BACH2: variants seen among roughly 807,000 people sequenced by gnomAD.
The protein encoded by BACH2 is BACH transcriptional regulator 2, also known as transcription regulator protein BACH2.
BACH2 carries 5 observed loss-of-function variants against 61.8 expected under a neutral mutation model. That is an observed-to-expected ratio of 0.08 (90% CI 0.04 to 0.17). BACH2 has a LOEUF of 0.17. BACH2 is among the 10% of genes least tolerant of loss of function. The pLI, the probability that BACH2 is intolerant of heterozygous loss-of-function variation, is 1.00. For synonymous variants in BACH2, 446 were observed against 440.1 expected, an observed-to-expected ratio of 1.01 and a Z score of -0.17; for missense variants, 824 against 1,091.1, an observed-to-expected ratio of 0.76 and a Z score of 3.45.
intron 2 of BACH2, among the ~76,000 whole-genome samples, chr6:90,253,940 T>TCATATTC (rs1770894264): frequency 6.6e-6 from 1 of 152,170 alleles, no homozygotes. Flanking sequence ...AACAAAGAAG[T>TCATATTC]CATATTCCAA....
chr6:90,125,254 C>A (rs1783798040), intron 4 of BACH2, among the ~76,000 whole-genome samples: 1 of 152,158 alleles, frequency 6.6e-6, no homozygotes, highest in African/African-American at 2.4e-5. Context: ...TTACAGCAAT[C>A]CAGTGATTAG....
intron 5 of BACH2, among the ~76,000 whole-genome samples, chr6:90,016,765 T>C (rs921018118): frequency 6.6e-6 from 1 of 152,204 alleles, no homozygotes; most frequent in African/African-American, 2.4e-5. Flanking sequence ...CCTTCATTTT[T>C]GAAAGTTATC....
intron 6 of BACH2, among the ~76,000 whole-genome samples, chr6:89,962,022 T>A (rs958724743): frequency 3.3e-5 from 5 of 152,228 alleles, no homozygotes; most frequent in Non-Finnish European, 5.9e-5. Context: ...AAATCATTCC[T>A]ATTATAAAAA....
intron 6 of BACH2, among the ~76,000 whole-genome samples, chr6:89,965,569 T>C (rs1775005157): frequency 6.6e-6 from 1 of 152,238 alleles, no homozygotes. Flanking sequence ...CCCTAGAGTC[T>C]CAATAACTAT....
chr6:90,011,437 C>T (rs1434296922), intron 5 of BACH2, among the ~76,000 whole-genome samples: 5 of 150,918 alleles, frequency 3.3e-5, no homozygotes, highest in African/African-American at 9.8e-5. Flanking sequence ...GGAGACAAAC[C>T]TTGCTTATTT....
At chr6:90,208,000 A>G (rs1436119020) in intron 3 of BACH2, among the ~76,000 whole-genome samples, 2 of 152,218 alleles carry the variant, frequency 1.3e-5, no homozygotes, top group Non-Finnish European at 2.9e-5. Context: ...TGATAGAGAG[A>G]GGAAATTGCA....
intron 5 of BACH2, among the ~76,000 whole-genome samples, chr6:90,040,129 G>A (rs1041243176): frequency 3.3e-5 from 5 of 151,298 alleles, no homozygotes; most frequent in Non-Finnish European, 7.4e-5. Context: ...GTGGTTTCTG[G>A]ATTTTTGTCA....
intron 5 of BACH2, among the ~76,000 whole-genome samples, chr6:90,027,563 G>A (rs1267896536): frequency 1.3e-5 from 2 of 152,112 alleles, no homozygotes; most frequent in Non-Finnish European, 2.9e-5. Flanking sequence ...GTAAGGAATG[G>A]GTGCCACAAG....
At chr6:90,042,812 C>T (rs1779600129) in intron 5 of BACH2, among the ~76,000 whole-genome samples, 1 of 152,130 alleles carries the variant, frequency 6.6e-6, no homozygotes. Flanking sequence ...AACTTAAAAG[C>T]AGTTCACAAT....
intron 4 of BACH2, among the ~76,000 whole-genome samples, chr6:90,123,285 A>G (rs966358737): frequency 2.6e-5 from 4 of 152,232 alleles, no homozygotes; most frequent in African/African-American, 9.6e-5. Flanking sequence ...GAGCCTCCCC[A>G]GAAGCTGGGA....
intron 3 of BACH2, among the ~76,000 whole-genome samples, chr6:90,233,972 C>T (rs1367239522): frequency 1.3e-5 from 2 of 152,166 alleles, no homozygotes; most frequent in Non-Finnish European, 2.9e-5. Flanking sequence ...CTTATAGAAC[C>T]AGACTCAGGG....
chr6:90,006,467 A>G (rs1276639676), intron 6 of BACH2, among the ~76,000 whole-genome samples: 1 of 152,150 alleles, frequency 6.6e-6, no homozygotes, highest in Non-Finnish European at 1.5e-5. Flanking sequence ...CCAGTATGTC[A>G]TTTAGCTGAT....
intron 5 of BACH2, among the ~76,000 whole-genome samples, chr6:90,054,576 T>C (rs1780227583): frequency 1.3e-5 from 2 of 152,238 alleles, no homozygotes; most frequent in Admixed American, 6.5e-5. Flanking sequence ...AAGACAGCAG[T>C]AACCTCTGCA....
At chr6:90,089,487 C>G (rs1292566106) in intron 4 of BACH2, among the ~76,000 whole-genome samples, 1 of 152,072 alleles carries the variant, frequency 6.6e-6, no homozygotes, top group Non-Finnish European at 1.5e-5. Context: ...TTAAAAGACA[C>G]ATGTGGCCAT....
At chr6:90,062,229 A>C (rs529191570) in intron 5 of BACH2, among the ~76,000 whole-genome samples, 2 of 152,338 alleles carry the variant, frequency 1.3e-5, no homozygotes, top group African/African-American at 4.8e-5. Flanking sequence ...CCTATATTAC[A>C]TAAGGACTTG....
intron 4 of BACH2, among the ~76,000 whole-genome samples, chr6:90,171,028 TA>T (rs368632444): frequency 0.048 from 6,711 of 138,506 alleles, 211 homozygotes; most frequent in East Asian, 0.096. Flanking sequence ...GTGGGTAAAT[TA>T]AAAAAAAAAA....
chr6:90,068,608 A>G lies in BACH2; in HGVS notation c.-13+20353T>C, dbSNP rs563785434. Among the ~76,000 whole-genome samples the G allele has an allele frequency of 7.9e-5, 12 of 151,736 alleles. No homozygotes were observed. In the South Asian group the frequency reaches 2.1e-3, roughly 26 times the overall value. On this transcript the variant is annotated intron_variant, in intron 5 of 8. Coordinates refer to ENST00000257749, the MANE Select transcript of BACH2 (RefSeq NM_021813.4). ...GGCTCCCAGAGAAACACCATGCTCCATAAAAGGTGGGGAGAAACAGGTTGT... is the reference window on the plus strand; with the variant it reads ...GGCTCCCAGAGAAACACCATGCTCCGTAAAAGGTGGGGAGAAACAGGTTGT...
chr6:90,186,641 A>G (rs981891552), intron 4 of BACH2, among the ~76,000 whole-genome samples: 1 of 152,160 alleles, frequency 6.6e-6, no homozygotes, highest in African/African-American at 2.4e-5. Context: ...ATTAAACTGG[A>G]GAAGTCACTT....
At chr6:90,131,179 G>T (rs978463473) in intron 4 of BACH2, among the ~76,000 whole-genome samples, 1 of 152,148 alleles carries the variant, frequency 6.6e-6, no homozygotes, top group Non-Finnish European at 1.5e-5. Flanking sequence ...AGTGAAGTTT[G>T]ACCCTAAAAA....
Sources: gnomAD v4.1 joint callset for allele counts (sites outside exome capture counted in the v4.1 genomes callset) on GRCh38, gnomAD v4.1.1 for gene constraint, MANE v1.5 for transcripts, NCBI Gene and HGNC (gene_info 2026-07-23, HGNC 2026-07-21) for gene names.